Variants in KCNAB1 observed in about 807,000 individuals in gnomAD.
The protein encoded by KCNAB1 is voltage-gated potassium channel subunit beta-1.
KCNAB1 carries 35 observed loss-of-function variants against 64.6 expected under a neutral mutation model. The ratio of observed to expected loss-of-function variants is 0.54; its 90% confidence interval spans 0.41 to 0.72. The LOEUF is 0.72. Among genes scored for constraint, KCNAB1 ranks in the 30% least tolerant of loss-of-function variants. The pLI is 0.00. For missense variants in KCNAB1, 401 were observed against 512.9 expected (o/e 0.78, Z 2.11); for synonymous variants, 177 against 183.8 (o/e 0.96, Z 0.30).
Position 156,300,668 on chromosome 3 carries a change from G to A in KCNAB1, c.276-120948G>A, listed in dbSNP as rs374564026. The stretch of plus-strand genomic sequence containing the variant: ...TGAATTATTCTATGAAACAATTTCT[G>A]TAAAACATTAAAAAAAAATCCTAAC... On this transcript the variant is annotated intron_variant, in intron 1 of 13. Transcript: ENST00000490337. 7.2e-5 allele frequency among the ~76,000 whole-genome samples: 11 copies of A among 152,128 alleles called. No homozygotes were observed. In the East Asian group the frequency reaches 2.1e-3, roughly 29 times the overall value.
chr3:156,267,275 A>G (rs1284700929), intron 1 of KCNAB1, among the ~76,000 whole-genome samples: 1 of 152,188 alleles, frequency 6.6e-6, no homozygotes, highest in African/African-American at 2.4e-5. Flanking sequence ...CAGTAGAAGC[A>G]TCGTTCTTCC....
At chr3:156,141,154 T>G (rs533961054) in intron 1 of KCNAB1, among the ~76,000 whole-genome samples, 7 of 152,244 alleles carry the variant, frequency 4.6e-5, no homozygotes, top group Admixed American at 6.5e-5. Flanking sequence ...CTTTGCCTAG[T>G]TTCCCCAAAT....
At chr3:156,416,461 TAA>T (rs1437721565) in intron 1 of KCNAB1, among the ~76,000 whole-genome samples, 1 of 152,234 alleles carries the variant, frequency 6.6e-6, no homozygotes, top group African/African-American at 2.4e-5. Flanking sequence ...CTCTCTTTAC[TAA>T]GTTTCTTCCT....
chr3:156,533,666 G>C (rs1456668143), intron 13 of KCNAB1, among the ~76,000 whole-genome samples: 1 of 152,144 alleles, frequency 6.6e-6, no homozygotes, highest in Non-Finnish European at 1.5e-5. Flanking sequence ...CATCCAGGCA[G>C]GAGGCGATGG....
chr3:156,530,201 G>A (rs1254272795), intron 12 of KCNAB1, among the ~76,000 whole-genome samples: 1 of 152,160 alleles, frequency 6.6e-6, no homozygotes, highest in Non-Finnish European at 1.5e-5. Flanking sequence ...GGGGTGATGG[G>A]GGCGGTGGGA....
intron 1 of KCNAB1, among the ~76,000 whole-genome samples, chr3:156,296,609 G>A (rs1477049956): frequency 1.3e-5 from 2 of 151,854 alleles, no homozygotes; most frequent in Non-Finnish European, 2.9e-5. Context: ...GAGTAGCTGG[G>A]ACTACAGGTG....
intron 1 of KCNAB1, among the ~76,000 whole-genome samples, chr3:156,407,836 A>G (rs1355521271): frequency 6.6e-6 from 1 of 152,186 alleles, no homozygotes; most frequent in Non-Finnish European, 1.5e-5. Flanking sequence ...AAATAACTTC[A>G]TTTTCTCCTC....
At chr3:156,127,558 G>A (rs150370342) in intron 1 of KCNAB1, among the ~76,000 whole-genome samples, 1 of 152,316 alleles carries the variant, frequency 6.6e-6, no homozygotes, top group East Asian at 1.9e-4. Context: ...CTAGGAGTGG[G>A]AGAGTGAACC....
intron 1 of KCNAB1, among the ~76,000 whole-genome samples, chr3:156,244,149 G>A (rs1274209031): frequency 6.6e-6 from 1 of 152,204 alleles, no homozygotes; most frequent in African/African-American, 2.4e-5. Context: ...TTCTCTTACA[G>A]TTCTGGAGCT....
At chr3:156,221,731 T>A (rs976997236) in intron 1 of KCNAB1, among the ~76,000 whole-genome samples, 1 of 150,600 alleles carries the variant, frequency 6.6e-6, no homozygotes, top group South Asian at 2.1e-4. Flanking sequence ...TGAGCTGAGA[T>A]CATGACATTA....
At chr3:156,215,071 G>C (rs1715233409) in intron 1 of KCNAB1, among the ~76,000 whole-genome samples, 2 of 152,156 alleles carry the variant, frequency 1.3e-5, no homozygotes, top group African/African-American at 4.8e-5. Context: ...TCTCATTTCT[G>C]AGTGCCTACT....
chr3:156,301,075 G>A (rs1442721531), intron 1 of KCNAB1, among the ~76,000 whole-genome samples: 1 of 152,194 alleles, frequency 6.6e-6, no homozygotes, highest in African/African-American at 2.4e-5. Context: ...CTCATGATTA[G>A]TTCATATCTA....
intron 8 of KCNAB1, among the ~76,000 whole-genome samples, chr3:156,514,106 G>A (rs774439263): frequency 8.5e-5 from 13 of 152,114 alleles, no homozygotes; most frequent in Non-Finnish European, 1.8e-4. Flanking sequence ...AACTTAAAAT[G>A]GTCATTATAT....
intron 1 of KCNAB1, among the ~76,000 whole-genome samples, chr3:156,204,553 G>A (rs997947536): frequency 1.1e-4 from 16 of 150,742 alleles, no homozygotes; most frequent in African/African-American, 1.7e-4. Flanking sequence ...CAAGCTGGCC[G>A]GCCATGGTGG....
In KCNAB1 at chr3:156,396,609, C is replaced by T. The variant is rs73873354; in HGVS notation, c.276-25007C>T. ...ACCAATTACTGGACCCAAAGAACAT[C>T]GTAGAGGGCTTAAATCTTTCTGACA... is the stretch of plus-strand genomic sequence containing the variant. On this transcript the variant is annotated intron_variant, in intron 1 of 13. Transcript: ENST00000490337. Among the ~76,000 whole-genome samples the T allele has an allele frequency of 3.0e-3, 455 of 152,284 alleles. 1 individual carries two copies. The highest frequency in any genetic ancestry group is 9.7e-3 in the African/African-American group (401 of 41,550).
At chr3:156,313,087 C>A (rs977219697) in intron 1 of KCNAB1, among the ~76,000 whole-genome samples, 3 of 152,164 alleles carry the variant, frequency 2.0e-5, no homozygotes, top group Admixed American at 6.5e-5. Context: ...TATACTTCCA[C>A]AGCATTAGTA....
rs991898793 is a variant in KCNAB1 at position 156,503,833 on chromosome 3, A to G, written c.659-10531A>G. Among the ~76,000 whole-genome samples, 22 of 152,240 alleles carry G rather than the reference A, an allele frequency of 1.4e-4. 1 individual carries two copies. Among genetic ancestry groups the G allele is most frequent in the African/African-American group, 5.3e-4 (22 of 41,470 alleles). On this transcript the variant is annotated intron_variant, in intron 8 of 13. Coordinates refer to ENST00000490337, the MANE Select transcript of KCNAB1 (RefSeq NM_172160.3). ...CACAGTGTGATATTTTGCTACCTGT[A>G]TACAATGTGTTGTGATCAAATCAAA...
At chr3:156,493,334 C>A (rs191669780) in intron 8 of KCNAB1, among the ~76,000 whole-genome samples, 1 of 152,234 alleles carries the variant, frequency 6.6e-6, no homozygotes, top group East Asian at 1.9e-4. Flanking sequence ...ATTACTATTT[C>A]TATTTTACAG....
intron 2 of KCNAB1, among the ~76,000 whole-genome samples, chr3:156,433,349 C>T (rs1479348832): frequency 1.3e-5 from 2 of 152,168 alleles, no homozygotes; most frequent in Non-Finnish European, 2.9e-5. Flanking sequence ...AAAAGGTTCT[C>T]AATATACACT....
Sources: allele counts gnomAD v4.1 joint callset (sites outside exome capture counted in the v4.1 genomes callset), GRCh38; gene constraint gnomAD v4.1.1; transcripts MANE v1.5; gene names NCBI Gene and HGNC (gene_info 2026-07-23, HGNC 2026-07-21).